The following SEMA3A variants were observed in gnomAD, a reference collection of about 807,000 sequenced individuals.
SEMA3A encodes semaphorin-3A.
In SEMA3A, 29 loss-of-function variants were observed where a neutral mutation model predicts 97.9. The observed-to-expected ratio is 0.30, with a 90% CI of 0.22 to 0.40. The LOEUF (loss-of-function observed/expected upper bound fraction) is 0.40. Among genes scored for constraint, SEMA3A ranks in the 10% least tolerant of loss-of-function variants. The probability of loss-of-function intolerance (pLI) is 1.00; values close to 1 mark genes in which losing one functional copy is unlikely to be tolerated. For missense variants in SEMA3A, 763 were observed against 951.3 expected, an observed-to-expected ratio of 0.80 and a Z score of 2.60; for synonymous variants, 321 against 323.7, an observed-to-expected ratio of 0.99 and a Z score of 0.09.
intron 3 of SEMA3A, among the ~76,000 whole-genome samples, chr7:84,246,727 T>C (rs957770842): frequency 6.6e-6 from 1 of 152,114 alleles, no homozygotes; most frequent in African/African-American, 2.4e-5. Flanking sequence ...GGACAAACTA[T>C]ATCATCCTAG....
intron 1 of SEMA3A, among the ~76,000 whole-genome samples, chr7:84,425,293 A>C (rs1489587424): frequency 2.4e-5 from 3 of 122,492 alleles, no homozygotes; most frequent in Non-Finnish European, 4.7e-5. Flanking sequence ...ATATATTTAT[A>C]TTTATATAAA....
At position 84,448,947 on chromosome 7, in the gene SEMA3A, A is replaced by G. The variant is rs138184220; in HGVS notation, c.-246+43513T>C. ...ACAACAATCCGGTTCTGGTGTAAAT[A>G]TATATAAACAAATAGAATAAAATAA... On this transcript the variant is annotated intron_variant, in intron 1 of 3. Coordinates refer to the SEMA3A transcript ENST00000424555. Among the ~76,000 whole-genome samples, 184 of 152,006 alleles carry G rather than the reference A, an allele frequency of 1.2e-3. 3 individuals are homozygous for G. The East Asian group carries it at 0.032, about 26-fold the overall frequency.
At chr7:84,093,266 A>G (rs752398116) in intron 4 of SEMA3A, among the ~76,000 whole-genome samples, 30 of 152,236 alleles carry the variant, frequency 2.0e-4, no homozygotes, top group Non-Finnish European at 4.1e-4. Flanking sequence ...TGACTCCTAC[A>G]TGCAGATATA....
At chr7:84,032,915 A>G (rs983535240) in intron 6 of SEMA3A, among the ~76,000 whole-genome samples, 1 of 152,014 alleles carries the variant, frequency 6.6e-6, no homozygotes, top group African/African-American at 2.4e-5. Context: ...ATGACATAAA[A>G]TTTAAAGTTG....
chr7:84,255,646 C>G (rs1046343163), intron 3 of SEMA3A, among the ~76,000 whole-genome samples: 1 of 151,972 alleles, frequency 6.6e-6, no homozygotes, highest in African/African-American at 2.4e-5. Flanking sequence ...TGTCATATTT[C>G]CATTGATTGC....
At chr7:84,367,849 A>G (rs1369919331) in intron 2 of SEMA3A, among the ~76,000 whole-genome samples, 1 of 151,178 alleles carries the variant, frequency 6.6e-6, no homozygotes, top group Non-Finnish European at 1.5e-5. Context: ...AGTGTCAAAA[A>G]ATTTCCCTTA....
At chr7:84,413,455 C>G (rs1272208790) in intron 1 of SEMA3A, among the ~76,000 whole-genome samples, 1 of 152,046 alleles carries the variant, frequency 6.6e-6, no homozygotes, top group Non-Finnish European at 1.5e-5. Flanking sequence ...TGGCAAAACC[C>G]TGTCTCTACA....
intron 5 of SEMA3A, among the ~76,000 whole-genome samples, chr7:84,054,617 C>T (rs1397535140): frequency 2.2e-5 from 3 of 136,294 alleles, no homozygotes; most frequent in Non-Finnish European, 4.8e-5. Flanking sequence ...AAATTTTTTG[C>T]AAAGTTTTCA....
At chr7:84,476,085 G>A (rs562432827) in intron 1 of SEMA3A, among the ~76,000 whole-genome samples, 13 of 152,034 alleles carry the variant, frequency 8.6e-5, no homozygotes, top group East Asian at 1.9e-4. Flanking sequence ...GGCCAGGTGC[G>A]GTGGCTCATG....
rs1309724830 is a variant in SEMA3A, at chr7:83,996,631, C to T, written c.1452+5324G>A. 3.3e-5 allele frequency among the ~76,000 whole-genome samples: 5 copies of T among 152,128 alleles called. No individual in the cohort carries two copies. In the South Asian group the frequency reaches 1.0e-3, roughly 31 times the overall value. ...TAGTAATCTTAATTTTAAAACAAAA[C>T]ACTTTTTAAAAGTATTTATAATCAC... is the stretch of plus-strand genomic sequence containing the variant. On this transcript the variant is annotated intron_variant, in intron 12 of 16. Transcript: ENST00000265362.
chr7:84,161,885 G>A (rs1343887637), intron 1 of SEMA3A, among the ~76,000 whole-genome samples: 1 of 152,036 alleles, frequency 6.6e-6, no homozygotes, highest in Non-Finnish European at 1.5e-5. Flanking sequence ...TACTATTAAT[G>A]TTTCATTTTT....
intron 1 of SEMA3A, among the ~76,000 whole-genome samples, chr7:84,489,764 C>A (rs888245324): frequency 6.6e-6 from 1 of 151,942 alleles, no homozygotes; most frequent in African/African-American, 2.4e-5. Flanking sequence ...TCTACACTTT[C>A]TATCTTGATG....
At chr7:83,999,153 C>G (rs1584527447) in intron 12 of SEMA3A, among the ~76,000 whole-genome samples, 1 of 152,226 alleles carries the variant, frequency 6.6e-6, no homozygotes, top group East Asian at 1.9e-4. Flanking sequence ...GGACCACTGT[C>G]ATATGTGGGA....
intron 6 of SEMA3A, among the ~76,000 whole-genome samples, chr7:84,026,494 G>C (rs1015282639): frequency 2.0e-5 from 3 of 152,024 alleles, no homozygotes; most frequent in Non-Finnish European, 4.4e-5. Context: ...CCCATTACTA[G>C]GTATATACCA....
Position 84,423,167 on chromosome 7 carries a change from A to G in SEMA3A, c.-245-51267T>C, listed in dbSNP as rs1055725546. On this transcript the variant is annotated intron_variant, in intron 1 of 3. Transcript: ENST00000424555. Reference sequence around the variant, plus strand: ...ACACAAATCAAAACATTTTCTATCAAATAAGTACAATGTAAAAGAAGACAT... The same window carrying G: ...ACACAAATCAAAACATTTTCTATCAGATAAGTACAATGTAAAAGAAGACAT... Among the ~76,000 whole-genome samples the G allele has an allele frequency of 3.9e-5, 6 of 152,090 alleles. 1 individual carries two copies. The highest frequency in any genetic ancestry group is 8.8e-5 in the Non-Finnish European group (6 of 67,992).
rs3073575 is a variant in SEMA3A, at chr7:83,980,231, G to GTTAT, written c.1652+1086_1652+1089dup. ...GGCTATTTTGTCAAATGAAGAAAGA[G>GTTAT]TTATCTTAGCAACTTTTATTCAAGC... On this transcript the variant is annotated intron_variant, in intron 14 of 16. Coordinates refer to ENST00000265362, the MANE Select transcript of SEMA3A (RefSeq NM_006080.3). 3.9e-5 allele frequency among the ~76,000 whole-genome samples: 6 copies of GTTAT among 152,142 alleles called. No homozygotes were observed. The South Asian group carries it at 1.0e-3, about 26-fold the overall frequency.
At chr7:84,427,353 T>C (rs1804853920) in intron 1 of SEMA3A, among the ~76,000 whole-genome samples, 1 of 152,128 alleles carries the variant, frequency 6.6e-6, no homozygotes, top group African/African-American at 2.4e-5. Context: ...AAACTTTATA[T>C]AATTGTAGTG....
intron 4 of SEMA3A, among the ~76,000 whole-genome samples, chr7:84,092,759 C>T (rs1359652971): frequency 6.6e-6 from 1 of 152,104 alleles, no homozygotes; most frequent in Non-Finnish European, 1.5e-5. Context: ...TCCATGCCTC[C>T]TTCTTCCCTC....
chr7:84,300,759 G>T (rs866267990), intron 3 of SEMA3A, among the ~76,000 whole-genome samples: 15 of 152,076 alleles, frequency 9.9e-5, no homozygotes, highest in South Asian at 2.1e-4. Context: ...TATTAAAAGA[G>T]ATTTTATTTA....
Sources: gnomAD v4.1 joint callset for allele counts (sites outside exome capture counted in the v4.1 genomes callset) on GRCh38, gnomAD v4.1.1 for gene constraint, MANE v1.5 for transcripts, NCBI Gene and HGNC (gene_info 2026-07-23, HGNC 2026-07-21) for gene names.